Variants in ZDHHC14 observed in about 807,000 individuals in gnomAD.
ZDHHC14 encodes palmitoyltransferase ZDHHC14.
ZDHHC14 carries 16 observed loss-of-function variants against 47.7 expected under a neutral mutation model. The ratio of observed to expected loss-of-function variants is 0.34; its 90% CI spans 0.23 to 0.51. The LOEUF (loss-of-function observed/expected upper bound fraction) is 0.51. Ranked by LOEUF, ZDHHC14 falls within the 20% of genes least tolerant of loss-of-function variation. The pLI, the probability that ZDHHC14 is intolerant of heterozygous loss-of-function variation, is 0.97. For synonymous variants in ZDHHC14, 293 were observed against 278.9 expected, an observed-to-expected ratio of 1.05 and a Z score of -0.50; for missense variants, 515 against 662.5, an observed-to-expected ratio of 0.78 and a Z score of 2.44.
At chr6:157,592,633 C>T (rs534636703) in intron 2 of ZDHHC14, 12 of 590,522 alleles carry the variant, frequency 2.0e-5, no homozygotes, top group Non-Finnish European at 2.5e-5. Flanking sequence ...TCAGGCGACT[C>T]CCCAGCTGTG....
intron 1 of ZDHHC14, among the ~76,000 whole-genome samples, chr6:157,523,219 T>C (rs931450768): frequency 1.3e-5 from 2 of 151,952 alleles, no homozygotes; most frequent in African/African-American, 4.8e-5. Context: ...GGCACTTAAA[T>C]TTTTTCTTCT....
intron 1 of ZDHHC14, among the ~76,000 whole-genome samples, chr6:157,506,705 T>C (rs1415732992): frequency 6.6e-6 from 1 of 152,232 alleles, no homozygotes; most frequent in African/African-American, 2.4e-5. Context: ...TGAGCCTTCA[T>C]ATGCTGACGA....
At chr6:157,612,878 A>G (rs573006082) in intron 3 of ZDHHC14, among the ~76,000 whole-genome samples, 17 of 151,472 alleles carry the variant, frequency 1.1e-4, no homozygotes, top group Non-Finnish European at 1.9e-4. Flanking sequence ...TTTTGGCCCT[A>G]TGATGAGGTT....
intron 1 of ZDHHC14, among the ~76,000 whole-genome samples, chr6:157,402,067 C>A (rs1246387281): frequency 1.3e-5 from 2 of 148,770 alleles, no homozygotes; most frequent in African/African-American, 5.0e-5. Context: ...AAGTGAGATG[C>A]GCACCTGCTG....
Position 157,570,780 on chromosome 6 carries a change from TACAC to T in ZDHHC14, c.407-22196_407-22193del, listed in dbSNP as rs199785514. On this transcript the variant is annotated intron_variant, in intron 2 of 8. Transcript: ENST00000359775. Reference sequence around the variant, plus strand: ...ACACACACACACACACATATATATATACACACACACACACATATATATACACACA... The same window carrying T: ...ACACACACACACACACATATATATATACACACACACATATATATACACACA... 3.7e-4 allele frequency among the ~76,000 whole-genome samples: 56 copies of T among 150,276 alleles called. 1 individual carries two copies. The highest frequency in any genetic ancestry group is 1.2e-3 in the African/African-American group (49 of 40,790).
chr6:157,518,252 G>T (rs928114015), intron 1 of ZDHHC14, among the ~76,000 whole-genome samples: 50 of 152,144 alleles, frequency 3.3e-4, no homozygotes, highest in African/African-American at 1.1e-3. Flanking sequence ...TCTTCCTCAA[G>T]CCACACTGAT....
At chr6:157,624,530 T>C (rs1446871438) in intron 3 of ZDHHC14, among the ~76,000 whole-genome samples, 14 of 152,238 alleles carry the variant, frequency 9.2e-5, no homozygotes, top group Admixed American at 9.2e-4. Context: ...TGGTGTCCTA[T>C]GTTGTGGCAG....
chr6:157,472,126 G>T (rs1779368939), intron 1 of ZDHHC14, among the ~76,000 whole-genome samples: 1 of 152,146 alleles, frequency 6.6e-6, no homozygotes. Flanking sequence ...GGGTGCTCAG[G>T]CCTGTCTCCC....
intron 2 of ZDHHC14, among the ~76,000 whole-genome samples, chr6:157,558,915 C>T (rs1229581458): frequency 1.3e-5 from 2 of 151,996 alleles, no homozygotes; most frequent in Non-Finnish European, 2.9e-5. Context: ...GCTGCTCAGC[C>T]CCCAACCTCG....
At position 157,672,978 on chromosome 6, in the gene ZDHHC14, C is replaced by G. The variant is rs1467869610; in HGVS notation, c.1323C>G (p.Pro441=). Reference sequence around the variant, plus strand: ...ACATGGGCCACCAGTTCCTGACGCCCGATGAGGCGCCCTCGCCCCCCAGGC... The same window carrying G: ...ACATGGGCCACCAGTTCCTGACGCCGGATGAGGCGCCCTCGCCCCCCAGGC... ...DEHMGHQFLT[P]DEAPSPPRLL... is the part of the protein sequence containing the mutation. Residue 441 remains proline, a synonymous_variant, in exon 9 of 9, where the codon CCC becomes CCG. Transcript: ENST00000359775. The G allele has an allele frequency of 1.9e-6, 3 of 1,594,672 alleles. No homozygotes were observed. The highest frequency in any genetic ancestry group is 2.7e-5 in the African/African-American group (2 of 74,464).
chr6:157,623,925 CTT>C (rs955866581), intron 3 of ZDHHC14, among the ~76,000 whole-genome samples: 2 of 152,194 alleles, frequency 1.3e-5, no homozygotes, highest in Non-Finnish European at 2.9e-5. Flanking sequence ...AGGACCCAAA[CTT>C]TAGAATCAAG....
At chr6:157,446,399 G>T (rs111342194) in intron 1 of ZDHHC14, among the ~76,000 whole-genome samples, 26,291 of 151,190 alleles carry the variant, frequency 0.17, 2,798 homozygotes, top group Middle Eastern at 0.26. Context: ...TTTTTTTTTG[G>T]TTTTTTTGTT....
At chr6:157,532,235 G>A (rs984314925) in intron 1 of ZDHHC14, among the ~76,000 whole-genome samples, 3 of 152,240 alleles carry the variant, frequency 2.0e-5, no homozygotes, top group Non-Finnish European at 4.4e-5. Context: ...ACAAGGCAGG[G>A]CATTTTCCTT....
chr6:157,546,589 A>G (rs1464447143), intron 2 of ZDHHC14, among the ~76,000 whole-genome samples: 2 of 152,154 alleles, frequency 1.3e-5, no homozygotes, highest in South Asian at 2.1e-4. Context: ...GGGTGCAGCT[A>G]AAAAGACATC....
chr6:157,397,623 C>T (rs1199550018), intron 1 of ZDHHC14, among the ~76,000 whole-genome samples: 1 of 152,182 alleles, frequency 6.6e-6, no homozygotes, highest in Admixed American at 6.5e-5. Flanking sequence ...GCTCAAGGCC[C>T]TTAATGTATC....
chr6:157,588,025 C>G (rs1339069892), intron 2 of ZDHHC14, among the ~76,000 whole-genome samples: 1 of 152,148 alleles, frequency 6.6e-6, no homozygotes. Context: ...GAGGCCAAGG[C>G]AGGCGGGCCA....
chr6:157,530,927 C>G (rs972143018), intron 1 of ZDHHC14, among the ~76,000 whole-genome samples: 4 of 152,092 alleles, frequency 2.6e-5, no homozygotes, highest in African/African-American at 9.7e-5. Flanking sequence ...CCTCTTTATT[C>G]TTAGGGAAAC....
intron 1 of ZDHHC14, among the ~76,000 whole-genome samples, chr6:157,521,667 A>T (rs1191021803): frequency 3.3e-5 from 5 of 152,202 alleles, no homozygotes; most frequent in African/African-American, 1.2e-4. Flanking sequence ...ATGCCATCGC[A>T]TTGGCGGTTA....
rs541177114 is a variant in ZDHHC14 at position 157,389,891 on chromosome 6, A to G, written c.245+7625A>G. Among the ~76,000 whole-genome samples, 4 of 151,192 alleles carry G rather than the reference A, an allele frequency of 2.6e-5. No homozygotes were observed. In the South Asian group the frequency reaches 8.3e-4, roughly 31 times the overall value. On this transcript the variant is annotated intron_variant, in intron 1 of 8. Coordinates refer to ENST00000359775, the MANE Select transcript of ZDHHC14 (RefSeq NM_024630.3). Reference sequence around the variant, plus strand: ...AAAAATAAATTTATGTAAAATAAACATATTTTAAAACACATATACACACGT... The same window carrying G: ...AAAAATAAATTTATGTAAAATAAACGTATTTTAAAACACATATACACACGT...
Sources: gnomAD v4.1 joint callset for allele counts (sites outside exome capture counted in the v4.1 genomes callset) on GRCh38, gnomAD v4.1.1 for gene constraint, MANE v1.5 for transcripts, NCBI Gene and HGNC (gene_info 2026-07-23, HGNC 2026-07-21) for gene names.